The following TCTN1 variants were observed in gnomAD, a reference collection of about 807,000 sequenced individuals.
TCTN1 encodes the protein tectonic family member 1.
A neutral mutation model predicts 65.8 loss-of-function variants in TCTN1; 58 were observed. The observed-to-expected ratio is 0.88, with a 90% CI of 0.71 to 1.10. TCTN1 has a LOEUF of 1.10. Among genes scored for constraint, TCTN1 ranks in the 50% least tolerant of loss-of-function variants. The probability of loss-of-function intolerance (pLI) is 0.00; values close to 1 mark genes in which losing one functional copy is unlikely to be tolerated. For synonymous variants in TCTN1, 273 were observed against 289.1 expected (o/e 0.94, Z 0.57); for missense variants, 645 against 719.4 (o/e 0.90, Z 1.18).
At chr12:110,632,427 A>C in intron 4 of TCTN1, 45 bp from the exon 5 acceptor site, 2 of 1,604,182 alleles carry the variant, frequency 1.2e-6, no homozygotes, top group Non-Finnish European at 1.7e-6. Context: ...TGTTGAATGA[A>C]TACTTTAATT....
intron 13 of TCTN1, 80 bp downstream of exon 13, chr12:110,647,416 C>T: frequency 6.4e-7 from 1 of 1,563,580 alleles, no homozygotes; most frequent in East Asian, 2.2e-5. Context: ...ACAGGTATTA[C>T]TTTGTGAAAA....
rs189110662 is a variant in TCTN1, at chr12:110,622,428, G to A, written c.341+2472G>A. Among the ~76,000 whole-genome samples the A allele has an allele frequency of 3.4e-3, 517 of 152,262 alleles. 1 individual carries two copies. Among genetic ancestry groups the A allele is most frequent in the African/African-American group, 0.012 (495 of 41,548 alleles). ...CTTCAAAGAGCTTACCGTCGAGTAAGGGAGACAGAGGAGTGGATGGCAGTT... is the reference window on the plus strand; with the variant it reads ...CTTCAAAGAGCTTACCGTCGAGTAAAGGAGACAGAGGAGTGGATGGCAGTT... On this transcript the variant is annotated intron_variant, in intron 2 of 14. Coordinates refer to ENST00000397659, the MANE Select transcript of TCTN1 (RefSeq NM_001082538.3).
chr12:110,636,696 G>A (rs1249059500), intron 7 of TCTN1, among the ~76,000 whole-genome samples, 195 bp downstream of exon 7: 1 of 152,166 alleles, frequency 6.6e-6, no homozygotes, highest in African/African-American at 2.4e-5. Flanking sequence ...GGGCTTCCCA[G>A]CTGCCTCTGT....
chr12:110,619,707 C>T (rs1036375241), intron 1 of TCTN1, 129 bp from the exon 2 acceptor site: 1 of 1,461,144 alleles, frequency 6.8e-7, no homozygotes, highest in Admixed American at 1.9e-5. Flanking sequence ...CAAATTTCCC[C>T]CAAAGTGCAA....
chr12:110,641,561 C>A lies in TCTN1; in HGVS notation c.1124C>A (p.Pro375His). The change falls in exon 10 of 15, where the codon CCT (proline) becomes CAT (histidine). Residue 375 changes from proline (P) to histidine (H), a missense_variant. By Grantham distance (77) the Pro-to-His change is moderately conservative. Transcript: ENST00000397659. ...TTTCAGGAAAATACCCAGCCAGTCC[C>A]TCTCAGTGGAAACCCTGGTTATGTC... Reference protein sequence around the residue: ...HFLQENTQPVPLSGNPGYVVG... With the variant: ...HFLQENTQPVHLSGNPGYVVG... 1 of 1,614,228 alleles carries A rather than the reference C, an allele frequency of 6.2e-7. No homozygotes were observed. Among genetic ancestry groups the A allele is most frequent in the Non-Finnish European group, 8.5e-7 (1 of 1,180,028 alleles).
intron 1 of TCTN1, chr12:110,617,001 C>G (rs185894574): frequency 2.7e-4 from 41 of 152,296 alleles, no homozygotes; most frequent in African/African-American, 9.9e-4. Flanking sequence ...ACACTCGCAT[C>G]CTGGGTAGAA....
At chr12:110,647,976 C>A in intron 14 of TCTN1, 83 bp downstream of exon 14, 2 of 1,588,180 alleles carry the variant, frequency 1.3e-6, no homozygotes, top group Admixed American at 3.3e-5. Context: ...CTAGGGGATA[C>A]TGCATTTTAT....
chr12:110,619,754 CT>C, intron 1 of TCTN1, 81 bp from the exon 2 acceptor site: 1 of 1,602,084 alleles, frequency 6.2e-7, no homozygotes, highest in Non-Finnish European at 8.5e-7. Flanking sequence ...ATGAAATTGA[CT>C]TATGGTACAC....
chr12:110,626,483 AT>A lies in TCTN1; in HGVS notation c.465del (p.Thr156GlnfsTer23). 1 of 1,612,384 alleles carries A rather than the reference AT, an allele frequency of 6.2e-7. No individual in the cohort carries two copies. The highest frequency in any genetic ancestry group is 8.5e-7 in the Non-Finnish European group (1 of 1,179,430). Reference protein sequence around the residue: ...QINPSIFCIHITNYKPALSFI... With the variant: ...QINPSIFCIHXTNYKPALSFI... Reference sequence around the variant, plus strand: ...TAATCCATCTATTTTCTGCATTCATATTACAAACTGTAAGTATTTGACATTG... The same window carrying A: ...TAATCCATCTATTTTCTGCATTCATATACAAACTGTAAGTATTTGACATTG... On this transcript the variant is annotated frameshift_variant, in exon 3 of 15. Transcript: ENST00000397659. LOFTEE classifies it high-confidence loss of function.
chr12:110,644,969 T>C lies in TCTN1; in HGVS notation c.1334T>C (p.Leu445Pro). 2 of 1,614,240 alleles carry C rather than the reference T, an allele frequency of 1.2e-6. No homozygotes were observed. Among genetic ancestry groups the C allele is most frequent in the Non-Finnish European group, 1.7e-6 (2 of 1,180,042 alleles). Reference sequence around the variant, plus strand: ...TGACTTCTTTTTCCTTCACCAAGACTGACTGGAGCTCTCCCGTGTCAGCTC... The same window carrying C: ...TGACTTCTTTTTCCTTCACCAAGACCGACTGGAGCTCTCCCGTGTCAGCTC... ...YTMQSGCKLR[L>P]TGALPCQLVA... is the part of the protein sequence containing the mutation. The change falls in exon 12 of 15, where the codon CTG (leucine) becomes CCG (proline). Residue 445 changes from leucine to proline, a missense_variant and splice_region_variant. Coordinates refer to ENST00000397659, the MANE Select transcript of TCTN1 (RefSeq NM_001082538.3). The surrounding 1 kb of genome is among the most constrained non-coding windows in gnomAD (Gnocchi z 4.6).
At chr12:110,620,050 A>G (rs560316940) in intron 2 of TCTN1, 94 bp downstream of exon 2, 2 of 1,569,356 alleles carry the variant, frequency 1.3e-6, no homozygotes, top group Admixed American at 1.7e-5. Context: ...TTAAAAACCC[A>G]AACCTGATTT....
chr12:110,617,922 A>T (rs923946541), intron 1 of TCTN1, among the ~76,000 whole-genome samples: 1 of 151,722 alleles, frequency 6.6e-6, no homozygotes, highest in Non-Finnish European at 1.5e-5. Context: ...TACAGGCTTG[A>T]GCCACTGCAT....
chr12:110,645,548 A>C lies in TCTN1; in HGVS notation c.1494+419A>C. The stretch of plus-strand genomic sequence containing the variant: ...CTCATGACACGATAGACGAATGTTG[A>C]GTCCTGTATCAAAGACTGAGACTGA... On this transcript the variant is annotated intron_variant, in intron 12 of 14. Transcript: ENST00000397659. The C allele has an allele frequency of 2.5e-5, 7 of 278,740 alleles. No homozygotes were observed. The South Asian group carries it at 2.6e-4, about 10-fold the overall frequency. The allele number at this position is 278,740 out of a possible 1,614,324, so 17.3% of individuals were successfully genotyped here. A position where few individuals can be genotyped will look rare whatever the true frequency, so the allele number is the denominator to read the frequency against.
At chr12:110,616,974 TTGG>T (rs2065083106) in intron 1 of TCTN1, 1 of 152,222 alleles carries the variant, frequency 6.6e-6, no homozygotes, top group African/African-American at 2.4e-5. Context: ...CAACAGCTAC[TTGG>T]TGGATGATTA....
chr12:110,626,559 G>A (rs2065854981), intron 3 of TCTN1, 67 bp downstream of exon 3: 10 of 1,471,554 alleles, frequency 6.8e-6, no homozygotes, highest in South Asian at 3.5e-5. Flanking sequence ...ATGGAAAAAT[G>A]TGTCAGATTT....
intron 12 of TCTN1, chr12:110,645,489 G>A (rs2067238508): frequency 1.2e-5 from 4 of 338,242 alleles, no homozygotes; most frequent in Non-Finnish European, 2.3e-5. Flanking sequence ...CCATCATTGT[G>A]ATTGCTGGTG....
chr12:110,627,084 T>G lies in TCTN1; in HGVS notation c.472+592T>G, dbSNP rs117710997. ...ACTGTGCCCAGCCCTATTATTACTATTTTTTCTTTCTTTCTTTTTTTTTTT... is the reference window on the plus strand; with the variant it reads ...ACTGTGCCCAGCCCTATTATTACTAGTTTTTCTTTCTTTCTTTTTTTTTTT... On this transcript the variant is annotated intron_variant, in intron 3 of 14. Transcript: ENST00000397659. 1.1e-3 allele frequency among the ~76,000 whole-genome samples: 161 copies of G among 150,718 alleles called. 6 individuals carry two copies. In the East Asian group the frequency reaches 0.025, roughly 24 times the overall value.
intron 10 of TCTN1, 84 bp from the exon 11 acceptor site, chr12:110,642,165 C>CA: frequency 3.2e-6 from 5 of 1,568,644 alleles, no homozygotes; most frequent in Non-Finnish European, 4.4e-6. Flanking sequence ...GGGTCTCCCT[C>CA]ATGTCACACA....
At chr12:110,631,094 G>A (rs1225751507) in intron 4 of TCTN1, among the ~76,000 whole-genome samples, 1 of 152,116 alleles carries the variant, frequency 6.6e-6, no homozygotes, top group Non-Finnish European at 1.5e-5. Flanking sequence ...AGCCTCCCAA[G>A]TAGCTGGGAT....
Sources: gnomAD v4.1 joint callset for allele counts (sites outside exome capture counted in the v4.1 genomes callset) on GRCh38, gnomAD v4.1.1 for gene constraint, Gnocchi (gnomAD v3.1) non-coding constraint, MANE v1.5 for transcripts, NCBI Gene and HGNC (gene_info 2026-07-23, HGNC 2026-07-21) for gene names.